The following CSAD variants were observed in gnomAD, a reference collection of about 807,000 sequenced individuals.
The protein encoded by CSAD is cysteine sulfinic acid decarboxylase, also known as P-selectin cytoplasmic tail-associated protein.
A neutral mutation model predicts 61.5 loss-of-function variants in CSAD; 47 were observed. That is an observed-to-expected ratio of 0.76 (90% CI 0.60 to 0.97). CSAD has a LOEUF of 0.97. CSAD is among the 50% of genes least tolerant of loss of function. CSAD has a pLI of 0.00. For missense variants in CSAD, 611 were observed against 643.6 expected (o/e 0.95, Z 0.55); for synonymous variants, 245 against 252.7 (o/e 0.97, Z 0.29).
At chr12:53,181,158 C>T (rs3814776), upstream of CSAD, 52,967 of 984,620 alleles carry the variant, frequency 0.054, 1,578 homozygotes, top group East Asian at 0.16. Context: ...CTGGCCGGAG[C>T]GAGGCGGGCG....
chr12:53,170,718 GTTTGT>G, intron 8 of CSAD: 2 of 505,898 alleles, frequency 4.0e-6, no homozygotes, highest in East Asian at 3.6e-5. Context: ...TTCTGCATTT[GTTTGT>G]TTTTTTTTTT....
At chr12:53,173,537 A>T in intron 3 of CSAD, 61 bp from the exon 4 acceptor site, 1 of 1,612,742 alleles carries the variant, frequency 6.2e-7, no homozygotes, top group Non-Finnish European at 8.5e-7. Flanking sequence ...CCTACCCAGC[A>T]GGAGCCTCCT....
rs1209938143 is a variant in CSAD at position 53,158,135 on chromosome 12, G to C, written c.*376C>G. 6.3e-6 allele frequency: 1 copy of C among 157,878 alleles called. No individual in the cohort carries two copies. The highest frequency in any genetic ancestry group is 2.4e-5 in the African/African-American group (1 of 41,472). The allele number at this position is 157,878 out of a possible 1,614,324, so 9.8% of individuals were successfully genotyped here. ...GCGCAGGTCACTGTGGCCTAAAAAG[G>C]CTGTTCTTTTTTATTTTTTTTGGAA... On this transcript the variant is annotated 3_prime_UTR_variant, in exon 17 of 17. Coordinates refer to ENST00000444623, the MANE Select transcript of CSAD (RefSeq NM_001244705.2).
chr12:53,179,268 G>A (rs896677644), intron 1 of CSAD, 126 bp from the exon 2 acceptor site: 3 of 155,362 alleles, frequency 1.9e-5, no homozygotes, highest in African/African-American at 7.2e-5. Flanking sequence ...GGAATACTGT[G>A]CAACAGTTTT....
rs982482265 is a variant in CSAD at position 53,171,783 on chromosome 12, A to T, written c.451+99T>A. 4.8e-6 allele frequency: 4 copies of T among 826,540 alleles called. No individual in the cohort carries two copies. The African/African-American group carries it at 6.8e-5, about 14-fold the overall frequency. 51.2% of individuals were successfully genotyped at this position (826,540 alleles called of 1,614,324 possible). A position where few individuals can be genotyped will look rare whatever the true frequency, so the allele number is the denominator to read the frequency against. On this transcript the variant is annotated intron_variant, in intron 7 of 16. Coordinates refer to ENST00000444623, the MANE Select transcript of CSAD (RefSeq NM_001244705.2). ...GGGTCCAGCTGGAGAGGAATCAAAGAGGAATCATCCCTCCCTGCCAGACAC... is the reference window on the plus strand; with the variant it reads ...GGGTCCAGCTGGAGAGGAATCAAAGTGGAATCATCCCTCCCTGCCAGACAC...
upstream of CSAD, chr12:53,181,021 G>A (rs1452552713): frequency 1.2e-6 from 1 of 839,186 alleles, no homozygotes; most frequent in Non-Finnish European, 1.5e-6. Flanking sequence ...CCCTGCCCGC[G>A]CGTCCCGCCG....
Position 53,170,117 on chromosome 12 carries a change from C to A in CSAD, c.657G>T (p.Met219Ile), listed in dbSNP as rs550597583. The part of the protein sequence containing the change: ...RVVKADERGK[M>I]VPEDLERQIG... ...TCTGCCTCTCCAGATCCTCGGGGAC[C>A]ATTTTCCCTCTGAAAAAGAAAATGC... Residue 219 changes from methionine to isoleucine, a missense_variant, in exon 10 of 17, where the codon ATG (methionine) becomes ATT (isoleucine). Met to Ile is a conservative substitution (Grantham distance 10). Transcript: ENST00000444623. 3.1e-6 allele frequency: 5 copies of A among 1,614,076 alleles called. No homozygotes were observed. In the South Asian group the frequency reaches 5.5e-5, roughly 18 times the overall value.
In CSAD at chr12:53,158,230, CT is replaced by C. The variant is rs1473056045; in HGVS notation, c.*280del. The C allele has an allele frequency of 8.1e-6, 2 of 245,454 alleles. No individual in the cohort carries two copies. The highest frequency in any genetic ancestry group is 4.6e-5 in the African/African-American group (2 of 43,954). The allele number at this position is 245,454 out of a possible 1,614,324, so 15.2% of individuals were successfully genotyped here. The stretch of plus-strand genomic sequence containing the variant: ...CTCGGCTCACTGCAACCTCTGCCCC[CT>C]GGGTTCAAGCAATTCTGCCCCAACC... On this transcript the variant is annotated 3_prime_UTR_variant, in exon 17 of 17. Transcript: ENST00000444623.
chr12:53,171,450 G>C lies in CSAD; in HGVS notation c.452-9C>G. 6.2e-7 allele frequency: 1 copy of C among 1,613,066 alleles called. No homozygotes were observed. Among genetic ancestry groups the C allele is most frequent in the Non-Finnish European group, 8.5e-7 (1 of 1,179,840 alleles). On this transcript the variant is annotated splice_polypyrimidine_tract_variant and intron_variant, in intron 7 of 16. Coordinates refer to ENST00000444623, the MANE Select transcript of CSAD (RefSeq NM_001244705.2). ...GTTGGAGATGGAGCCACCTGTCACA[G>C]GGAGGGGGCGGTGGCAAGAGGAAGG...
rs1379402419 is a variant in CSAD at position 53,160,812 on chromosome 12, A to G, written c.917T>C (p.Leu306Pro). ...AGAGCATTGCAGGCCTGCTGCGAGGAGCTTGTGGGGATTCCAGGCCACAGA... is the reference window on the plus strand; with the variant it reads ...AGAGCATTGCAGGCCTGCTGCGAGGGGCTTGTGGGGATTCCAGGCCACAGA... ...ADSVAWNPHK[L>P]LAAGLQCSAL... Residue 306 changes from leucine to proline, a missense_variant, in exon 13 of 17, where the codon CTC becomes CCC. By Grantham distance (98) the Leu-to-Pro change is moderately conservative (BLOSUM62 -3). Coordinates refer to ENST00000444623, the MANE Select transcript of CSAD (RefSeq NM_001244705.2). The G allele has an allele frequency of 1.3e-6, 2 of 1,551,634 alleles. No individual in the cohort carries two copies. Among genetic ancestry groups the G allele is most frequent in the East Asian group, 2.4e-5 (1 of 40,976 alleles).
At chr12:53,170,688 G>C (rs1940460110) in intron 8 of CSAD, 186 bp from the exon 9 acceptor site, 1 of 601,712 alleles carries the variant, frequency 1.7e-6, no homozygotes, top group Non-Finnish European at 3.0e-6. Flanking sequence ...TAGGTCTGGG[G>C]TCTAGGGTGG....
At chr12:53,178,389 G>A (rs566885520) in intron 2 of CSAD, 6 of 456,102 alleles carry the variant, frequency 1.3e-5, no homozygotes, top group South Asian at 9.3e-5. Flanking sequence ...CTACTTGGGA[G>A]GCTAAGATGG....
intron 1 of CSAD, chr12:53,179,923 G>A (rs909090068): frequency 6.3e-7 from 1 of 1,597,428 alleles, no homozygotes; most frequent in Non-Finnish European, 8.5e-7. Flanking sequence ...ATGCAGCCTG[G>A]CCCAAGAGCC....
At position 53,161,205 on chromosome 12, in the gene CSAD, G is replaced by A. The variant is rs778138634; in HGVS notation, c.820-14C>T. 2 of 1,614,156 alleles carry A rather than the reference G, an allele frequency of 1.2e-6. No individual in the cohort carries two copies. The highest frequency in any genetic ancestry group is 1.7e-6 in the Non-Finnish European group (2 of 1,180,016). ...ACCCCAGGCAGCCTGTGGAGCAGGA[G>A]GAACAACGTGGGCCTTGGCCTTGGC... On this transcript the variant is annotated splice_polypyrimidine_tract_variant and intron_variant, in intron 11 of 16. Transcript: ENST00000444623.
intron 10 of CSAD, among the ~76,000 whole-genome samples, chr12:53,161,799 T>C (rs1416697363): frequency 6.9e-6 from 1 of 145,694 alleles, no homozygotes; most frequent in Non-Finnish European, 1.5e-5. Flanking sequence ...TCTAAAAAAA[T>C]TTTTTTGTTT....
intron 2 of CSAD, among the ~76,000 whole-genome samples, chr12:53,174,610 A>G (rs1379507880): frequency 1.3e-5 from 2 of 152,004 alleles, no homozygotes; most frequent in African/African-American, 4.8e-5. Flanking sequence ...CCTGGCCAAC[A>G]TGGCGAAACC....
chr12:53,160,013 G>A (rs1340237413), intron 14 of CSAD, 75 bp from the exon 15 acceptor site: 6 of 1,596,924 alleles, frequency 3.8e-6, no homozygotes, highest in African/African-American at 2.7e-5. Flanking sequence ...CACGTAGAAT[G>A]AGCCACAGAG....
chr12:53,174,005 T>G (rs1450885881), intron 2 of CSAD: 1 of 528,032 alleles, frequency 1.9e-6, no homozygotes, highest in Non-Finnish European at 3.4e-6. Context: ...GGCCATTTCA[T>G]GTAAAACGGG....
At chr12:53,171,232 T>A (rs540757605) in intron 8 of CSAD, 94 bp downstream of exon 8, 2 of 1,581,754 alleles carry the variant, frequency 1.3e-6, no homozygotes, top group South Asian at 2.2e-5. Context: ...TTGGAGGATG[T>A]AGGGAGGGCA....
Sources: allele counts gnomAD v4.1 joint callset (sites outside exome capture counted in the v4.1 genomes callset), GRCh38; gene constraint gnomAD v4.1.1; transcripts MANE v1.5; gene names NCBI Gene and HGNC (gene_info 2026-07-23, HGNC 2026-07-21).